CAND2: variants seen among roughly 807,000 people sequenced by gnomAD.
The protein encoded by CAND2 is cullin-associated NEDD8-dissociated protein 2.
A neutral mutation model predicts 98.9 loss-of-function variants in CAND2; 62 were observed. The ratio of observed to expected loss-of-function variants is 0.63; its 90% confidence interval spans 0.51 to 0.77. The LOEUF (loss-of-function observed/expected upper bound fraction) is 0.77, where lower values mean the gene tolerates loss of function less well. Ranked by LOEUF, CAND2 falls within the 30% of genes least tolerant of loss-of-function variation. The pLI is 0.00. For synonymous variants in CAND2, 770 were observed against 731.9 expected (o/e 1.05, Z -0.84); for missense variants, 1,501 against 1,655.2 (o/e 0.91, Z 1.62).
intron 5 of CAND2, among the ~76,000 whole-genome samples, chr3:12,812,432 C>G (rs1157601084): frequency 1.6e-5 from 2 of 127,804 alleles, no homozygotes; most frequent in South Asian, 2.5e-4. Flanking sequence ...GAGTCTCGCT[C>G]TGTCGCCCAG....
At chr3:12,822,933 T>A (rs1412960280) in intron 11 of CAND2, among the ~76,000 whole-genome samples, 1 of 152,030 alleles carries the variant, frequency 6.6e-6, no homozygotes, top group Non-Finnish European at 1.5e-5. Flanking sequence ...TGCCTCTCTT[T>A]CTCTCCCTCT....
In CAND2 at chr3:12,817,784, G is replaced by T. The variant is rs1186910356; in HGVS notation, c.2852G>T (p.Gly951Val). ...CAGCGCTGCGAGGGTGCTGAGGAGG[G>T]CACCCGGGGGGTGGTGGCCGAGTGC... is the stretch of plus-strand genomic sequence containing the variant. The part of the protein sequence containing the change: ...LFQRCEGAEE[G>V]TRGVVAECIG... The change falls in exon 10 of 15, where the codon GGC becomes GTC. Residue 951 changes from glycine (G) to valine (V), a missense_variant. Coordinates refer to ENST00000456430, the MANE Select transcript of CAND2 (RefSeq NM_001162499.2). The T allele has an allele frequency of 2.6e-6, 4 of 1,537,046 alleles. No homozygotes were observed. The highest frequency in any genetic ancestry group is 8.7e-7 in the Non-Finnish European group (1 of 1,143,116).
At position 12,810,087 on chromosome 3, in the gene CAND2, G is replaced by T; in HGVS notation, c.520G>T (p.Ala174Ser). 1 of 1,449,158 alleles carries T rather than the reference G, an allele frequency of 6.9e-7. No individual in the cohort carries two copies. Among genetic ancestry groups the T allele is most frequent in the African/African-American group, 1.5e-5 (1 of 68,086 alleles). 89.8% of individuals were successfully genotyped at this position (1,449,158 alleles called of 1,614,324 possible). ...RLGVPLGAFH[A>S]SLLHCLLPQL... ...GGGTGTCCCGCTGGGCGCCTTCCAC[G>T]CCAGCCTCCTGCACTGTCTGCTGCC... Residue 174 changes from alanine (A) to serine (S), a missense_variant, in exon 5 of 15, where the codon GCC becomes TCC. Around this residue, in one of 3 missense-constraint regions of CAND2, gnomAD observed 1,427 missense variants for 1,545.3 expected, o/e 0.92. Transcript: ENST00000456430.
chr3:12,833,358 T>TCA (rs2062070819), intron 14 of CAND2, among the ~76,000 whole-genome samples: 1 of 152,182 alleles, frequency 6.6e-6, no homozygotes, highest in African/African-American at 2.4e-5. Context: ...AGTGATCCAT[T>TCA]CATTCAGTCT....
intron 11 of CAND2, 55 bp downstream of exon 11, chr3:12,820,236 G>A (rs2061946428): frequency 2.2e-6 from 3 of 1,362,110 alleles, no homozygotes; most frequent in African/African-American, 1.4e-5. Flanking sequence ...CCCAGTCCTT[G>A]AGCTTGGGCT....
Position 12,807,307 on chromosome 3 carries a change from C to T in CAND2, c.214C>T (p.Leu72=). 1 of 1,551,312 alleles carries T rather than the reference C, an allele frequency of 6.4e-7. No homozygotes were observed. The highest frequency in any genetic ancestry group is 8.7e-7 in the Non-Finnish European group (1 of 1,146,736). Reference sequence around the variant, plus strand: ...TTCACCTTCCCACTCCCTGCTCAGCCTGGGTCCTCTGGTGGTCAAAGTGAA... The same window carrying T: ...TTCACCTTCCCACTCCCTGCTCAGCTTGGGTCCTCTGGTGGTCAAAGTGAA... ...GEVQNLAVKC[L]GPLVVKVKEY... The change falls in exon 3 of 15, where the codon CTG becomes TTG. Residue 72 remains leucine, a splice_region_variant and synonymous_variant. Coordinates refer to ENST00000456430, the MANE Select transcript of CAND2 (RefSeq NM_001162499.2).
chr3:12,828,343 T>G (rs910727320), intron 13 of CAND2, among the ~76,000 whole-genome samples: 3 of 150,010 alleles, frequency 2.0e-5, no homozygotes, highest in Admixed American at 6.6e-5. Flanking sequence ...AGTGTTTTTT[T>G]TTTTTTTTTT....
chr3:12,805,464 T>TA (rs1363298701), intron 2 of CAND2, among the ~76,000 whole-genome samples: 1 of 151,804 alleles, frequency 6.6e-6, no homozygotes, highest in East Asian at 1.9e-4. Context: ...ATTTTTGTAT[T>TA]TTTAGTAGAG....
chr3:12,817,471 C>CTGGCTGAGGTGGGTCAGG lies in CAND2; in HGVS notation c.2546_2563dup (p.Glu849_Ala854dup), dbSNP rs2061918017. The stretch of plus-strand genomic sequence containing the variant: ...GGTCAAGGTCCTGGCATTCTTGTCG[C>CTGGCTGAGGTGGGTCAGG]TGGCTGAGGTGGGTCAGGTGGCTGG... On this transcript the variant is annotated inframe_insertion, in exon 10 of 15. Transcript: ENST00000456430. 1 of 1,613,482 alleles carries CTGGCTGAGGTGGGTCAGG rather than the reference C, an allele frequency of 6.2e-7. No individual in the cohort carries two copies. The highest frequency in any genetic ancestry group is 8.5e-7 in the Non-Finnish European group (1 of 1,179,896).
rs899315122 is a variant in CAND2 at position 12,815,977 on chromosome 3, C to A, written c.1410C>A (p.Ser470Arg). 1 of 1,613,938 alleles carries A rather than the reference C, an allele frequency of 6.2e-7. No individual in the cohort carries two copies. The highest frequency in any genetic ancestry group is 8.5e-7 in the Non-Finnish European group (1 of 1,179,968). The stretch of plus-strand genomic sequence containing the variant: ...AGCTGGCGGGTGTCCTCCCAGGCAG[C>A]CTGGCCGAGCATATGCCTGTGCTGG... ...LTELAGVLPGSLAEHMPVLVS... is the reference protein window; with the variant it reads ...LTELAGVLPGRLAEHMPVLVS... The change falls in exon 9 of 15, where the codon AGC becomes AGA. Residue 470 changes from serine to arginine, a missense_variant. Physicochemically the swap from Ser to Arg is moderately radical, Grantham distance 110 (BLOSUM62 -1). Transcript: ENST00000456430. The surrounding 1 kb of genome is among the most constrained non-coding windows in gnomAD (Gnocchi z 5.7).
In CAND2 at chr3:12,825,579, G is replaced by A. The variant is rs1472081143; in HGVS notation, c.3150G>A (p.Leu1050=). The change falls in exon 12 of 15, where the codon CTG becomes CTA. Residue 1050 remains leucine (L), a synonymous_variant. Coordinates refer to ENST00000456430, the MANE Select transcript of CAND2 (RefSeq NM_001162499.2). The stretch of plus-strand genomic sequence containing the variant: ...AGCCCTCGCTAGTCCGGGACCTGCT[G>A]GATGACATCCTGCCCCTCCTCTACC... ...HNKPSLVRDL[L]DDILPLLYQE... is the part of the protein sequence containing the mutation. 3 of 1,611,112 alleles carry A rather than the reference G, an allele frequency of 1.9e-6. No individual in the cohort carries two copies. The African/African-American group carries it at 4.0e-5, about 22-fold the overall frequency.
At chr3:12,831,265 G>A (rs1014000566) in intron 13 of CAND2, among the ~76,000 whole-genome samples, 200 bp from the exon 14 acceptor site, 1 of 151,972 alleles carries the variant, frequency 6.6e-6, no homozygotes, top group Non-Finnish European at 1.5e-5. Flanking sequence ...TCCTCCTTGG[G>A]TCATCCAAGT....
intron 6 of CAND2, 51 bp from the exon 7 acceptor site, chr3:12,813,195 C>A (rs372019865): frequency 6.2e-7 from 1 of 1,604,308 alleles, no homozygotes; most frequent in Non-Finnish European, 8.5e-7. Context: ...CCCTGTCCCC[C>A]ACTCCTGTCC....
In CAND2 at chr3:12,834,002, G is replaced by GGCC; in HGVS notation, c.*21_*23dup. 1 of 1,604,580 alleles carries GGCC rather than the reference G, an allele frequency of 6.2e-7. No homozygotes were observed. The highest frequency in any genetic ancestry group is 2.2e-5 in the East Asian group (1 of 44,822). On this transcript the variant is annotated 3_prime_UTR_variant, in exon 15 of 15. Coordinates refer to ENST00000456430, the MANE Select transcript of CAND2 (RefSeq NM_001162499.2). ...AGCTAGTCCCCTCAGCACCAAGGTG[G>GGCC]GCCCTCGCTTAAGAGAAAGGAGCCC... is the stretch of plus-strand genomic sequence containing the variant.
chr3:12,831,314 AC>A (rs939990140), intron 13 of CAND2, 150 bp from the exon 14 acceptor site: 1 of 671,158 alleles, frequency 1.5e-6, no homozygotes, highest in Non-Finnish European at 2.7e-6. Flanking sequence ...GAGGAAACAG[AC>A]CCAGAGAGGG....
At chr3:12,830,052 G>A (rs1164053258) in intron 13 of CAND2, among the ~76,000 whole-genome samples, 2 of 152,272 alleles carry the variant, frequency 1.3e-5, no homozygotes, top group African/African-American at 4.8e-5. Context: ...TCCGATGCGC[G>A]TGGTGAGGCT....
intron 11 of CAND2, 37 bp downstream of exon 11, chr3:12,820,218 T>C: frequency 6.8e-7 from 1 of 1,479,888 alleles, no homozygotes; most frequent in Non-Finnish European, 9.4e-7. Flanking sequence ...CCTTGTTCAG[T>C]GCCCCCACCC....
rs369311582 is a variant in CAND2 at position 12,817,422 on chromosome 3, C to T, written c.2490C>T (p.Ala830=). ...ASTASRLVCD[A]RSPHSSTGVK... is the part of the protein sequence containing the mutation. ...CAGCCAGTCGCCTGGTCTGCGATGC[C>T]AGGTCGCCCCACTCCAGCACGGGGG... The change falls in exon 10 of 15, where the codon GCC becomes GCT. Residue 830 remains alanine (A), a synonymous_variant. Transcript: ENST00000456430. The T allele has an allele frequency of 8.1e-6, 13 of 1,613,652 alleles. No individual in the cohort carries two copies. The highest frequency in any genetic ancestry group is 1.6e-4 in the Middle Eastern group (1 of 6,072).
chr3:12,809,307 A>G (rs1559549702), intron 4 of CAND2, among the ~76,000 whole-genome samples: 2 of 151,752 alleles, frequency 1.3e-5, no homozygotes, highest in Non-Finnish European at 2.9e-5. Flanking sequence ...TCAACCACAC[A>G]CTCCATGAGG....
Sources: allele counts gnomAD v4.1 joint callset (sites outside exome capture counted in the v4.1 genomes callset), GRCh38; gene constraint gnomAD v4.1.1; regional missense constraint gnomAD v4.1.1; non-coding constraint Gnocchi (gnomAD v3.1); transcripts MANE v1.5; gene names NCBI Gene and HGNC (gene_info 2026-07-23, HGNC 2026-07-21).